Variants in DTNBP1 observed in about 807,000 individuals in gnomAD.
The protein encoded by DTNBP1 is dysbindin.
Under a neutral mutation model 42.8 loss-of-function variants are expected in DTNBP1, and 35 were observed. The observed-to-expected ratio is 0.82, with a 90% CI of 0.63 to 1.09. DTNBP1 has a LOEUF of 1.09. Among genes scored for constraint, DTNBP1 ranks in the 50% least tolerant of loss-of-function variants. The pLI is 0.00. For synonymous variants in DTNBP1, 171 were observed against 162.2 expected (o/e 1.05, Z -0.41); for missense variants, 457 against 424.2 (o/e 1.08, Z -0.68).
intron 7 of DTNBP1, among the ~76,000 whole-genome samples, chr6:15,565,961 C>T (rs1027966264): frequency 1.3e-5 from 2 of 152,202 alleles, no homozygotes; most frequent in East Asian, 3.8e-4. Context: ...ACTCTGCAAG[C>T]ATTTTGCTTC....
intron 4 of DTNBP1, among the ~76,000 whole-genome samples, chr6:15,631,660 G>A (rs1274764491): frequency 6.6e-6 from 1 of 152,150 alleles, no homozygotes; most frequent in South Asian, 2.1e-4. Context: ...ATGTGCAAGG[G>A]TTTCACAAAT....
intron 9 of DTNBP1, chr6:15,523,946 A>G (rs2127786034): frequency 7.8e-7 from 1 of 1,287,412 alleles, no homozygotes; most frequent in Non-Finnish European, 1.0e-6. Flanking sequence ...GACCCAGCCC[A>G]AAGAACTGGT....
At chr6:15,559,859 T>A (rs936029741) in intron 7 of DTNBP1, among the ~76,000 whole-genome samples, 3 of 152,176 alleles carry the variant, frequency 2.0e-5, no homozygotes, top group Non-Finnish European at 4.4e-5. Context: ...TCTTGACAAC[T>A]TTTTTGCAGG....
At chr6:15,640,776 C>T (rs945200513) in intron 3 of DTNBP1, among the ~76,000 whole-genome samples, 4 of 152,162 alleles carry the variant, frequency 2.6e-5, no homozygotes, top group African/African-American at 4.8e-5. Flanking sequence ...ACTCTAGAAT[C>T]TATTAAAGGC....
chr6:15,620,411 C>A (rs917131949), intron 5 of DTNBP1, among the ~76,000 whole-genome samples: 5 of 152,046 alleles, frequency 3.3e-5, no homozygotes, highest in African/African-American at 9.7e-5. Context: ...TGGTCTTGAA[C>A]TCCTGGGCTT....
In DTNBP1 at chr6:15,662,662, G is replaced by C. The variant is rs537322213; in HGVS notation, c.56+152C>G. 2.2e-5 allele frequency: 26 copies of C among 1,157,760 alleles called. No individual in the cohort carries two copies. In the Admixed American group the frequency reaches 4.1e-4, roughly 18 times the overall value. The allele number at this position is 1,157,760 out of a possible 1,614,324, so 71.7% of individuals were successfully genotyped here. A position where few individuals can be genotyped will look rare whatever the true frequency, so the allele number is the denominator to read the frequency against. On this transcript the variant is annotated intron_variant, in intron 1 of 9. Transcript: ENST00000344537. ...GCGCCGCCCGACGCGAGGACGCCGGGAAGTTCGTTACTTTCCTCGGCGGGG... is the reference window on the plus strand; with the variant it reads ...GCGCCGCCCGACGCGAGGACGCCGGCAAGTTCGTTACTTTCCTCGGCGGGG...
chr6:15,531,726 C>T (rs894356799), intron 8 of DTNBP1, among the ~76,000 whole-genome samples: 10 of 152,150 alleles, frequency 6.6e-5, no homozygotes, highest in Admixed American at 5.2e-4. Context: ...CTCTGCCTCC[C>T]GGGTTCAAGT....
chr6:15,662,718 C>T, intron 1 of DTNBP1, 96 bp downstream of exon 1: 1 of 1,549,812 alleles, frequency 6.5e-7, no homozygotes, highest in East Asian at 2.2e-5. Flanking sequence ...CAGGACGGAC[C>T]CTGGACCGTG....
intron 7 of DTNBP1, among the ~76,000 whole-genome samples, chr6:15,583,551 T>G (rs1775927909): frequency 6.6e-6 from 1 of 152,172 alleles, no homozygotes; most frequent in Non-Finnish European, 1.5e-5. Context: ...ATCATGAAGC[T>G]CCATATGAAT....
At chr6:15,651,491 A>AAG (rs1372408645) in intron 2 of DTNBP1, 128 bp from the exon 3 acceptor site, 66 of 1,286,666 alleles carry the variant, frequency 5.1e-5, no homozygotes, top group Non-Finnish European at 7.7e-6. Flanking sequence ...ACAATTATTA[A>AAG]ACTTTTAGAG....
chr6:15,574,263 A>G (rs1246737507), intron 7 of DTNBP1, among the ~76,000 whole-genome samples: 2 of 152,240 alleles, frequency 1.3e-5, no homozygotes, highest in Non-Finnish European at 2.9e-5. Context: ...TAAAGACACA[A>G]ACACTGGTGG....
chr6:15,614,486 G>A (rs1010757918), intron 6 of DTNBP1, among the ~76,000 whole-genome samples: 1 of 152,060 alleles, frequency 6.6e-6, no homozygotes, highest in Non-Finnish European at 1.5e-5. Context: ...AGTTCCAGAG[G>A]CGCCCAGCAC....
intron 7 of DTNBP1, among the ~76,000 whole-genome samples, chr6:15,570,405 G>A (rs1231104248): frequency 4.6e-5 from 7 of 152,150 alleles, no homozygotes; most frequent in Non-Finnish European, 2.9e-5. Flanking sequence ...AGTCACACAT[G>A]TACTCTGAGT....
chr6:15,662,620 G>A (rs1761712880), intron 1 of DTNBP1, among the ~76,000 whole-genome samples, 194 bp downstream of exon 1: 1 of 152,036 alleles, frequency 6.6e-6, no homozygotes, highest in Non-Finnish European at 1.5e-5. Context: ...GCGGCCCGCA[G>A]GGACCTAAGT....
chr6:15,660,753 C>G (rs1457236290), intron 1 of DTNBP1, among the ~76,000 whole-genome samples: 2 of 152,080 alleles, frequency 1.3e-5, no homozygotes, highest in African/African-American at 2.4e-5. Context: ...ATCTACATTC[C>G]GGGGTAAAAT....
chr6:15,525,044 C>T (rs1486764588), intron 8 of DTNBP1, among the ~76,000 whole-genome samples: 1 of 152,252 alleles, frequency 6.6e-6, no homozygotes, highest in Non-Finnish European at 1.5e-5. Flanking sequence ...GCTCTGCTTC[C>T]TGCCTACAGG....
At chr6:15,601,326 C>A (rs1415411444) in intron 6 of DTNBP1, among the ~76,000 whole-genome samples, 1 of 152,150 alleles carries the variant, frequency 6.6e-6, no homozygotes, top group East Asian at 1.9e-4. Context: ...CTTGCCCATT[C>A]ATTTTAATTA....
chr6:15,524,407 G>A (rs1003272282), intron 9 of DTNBP1, 119 bp downstream of exon 9: 3 of 1,614,056 alleles, frequency 1.9e-6, no homozygotes, highest in Non-Finnish European at 2.5e-6. Flanking sequence ...GCCAGGAGCT[G>A]GCTGTGAGCT....
At chr6:15,567,775 T>C (rs1360024268) in intron 7 of DTNBP1, among the ~76,000 whole-genome samples, 1 of 152,176 alleles carries the variant, frequency 6.6e-6, no homozygotes, top group Non-Finnish European at 1.5e-5. Context: ...CGGTCACTCA[T>C]ATTTGGCTCA....
Sources: allele counts gnomAD v4.1 joint callset (sites outside exome capture counted in the v4.1 genomes callset), GRCh38; gene constraint gnomAD v4.1.1; transcripts MANE v1.5; gene names NCBI Gene and HGNC (gene_info 2026-07-23, HGNC 2026-07-21).